ATP10D: variants seen among roughly 807,000 people sequenced by gnomAD.
ATP10D encodes the protein phospholipid-transporting ATPase VD.
Under a neutral mutation model 144.8 loss-of-function variants are expected in ATP10D, and 89 were observed. The observed-to-expected ratio is 0.61, with a 90% CI of 0.52 to 0.73. The LOEUF (loss-of-function observed/expected upper bound fraction) is 0.73, where lower values mean the gene tolerates loss of function less well. Among genes scored for constraint, ATP10D ranks in the 30% least tolerant of loss-of-function variants. ATP10D has a pLI of 0.00. For synonymous variants in ATP10D, 571 were observed against 615.1 expected (o/e 0.93, Z 1.06); for missense variants, 1,603 against 1,714.8 (o/e 0.93, Z 1.15).
intron 21 of ATP10D, among the ~76,000 whole-genome samples, chr4:47,586,409 C>T (rs1296794340): frequency 3.9e-5 from 6 of 152,202 alleles, no homozygotes; most frequent in Non-Finnish European, 5.9e-5. Context: ...CAGAGAACTT[C>T]TTGGTCAGTA....
At chr4:47,515,405 T>C (rs1716578015) in intron 2 of ATP10D, 71 bp from the exon 3 acceptor site, 24 of 1,225,362 alleles carry the variant, frequency 2.0e-5, no homozygotes, top group Non-Finnish European at 2.4e-5. Context: ...AAAAACAATA[T>C]AGTACTTTGC....
Position 47,560,959 on chromosome 4 carries a change from A to G in ATP10D, c.2552A>G (p.Asp851Gly). The G allele has an allele frequency of 6.2e-7, 1 of 1,614,172 alleles. No individual in the cohort carries two copies. Among genetic ancestry groups the G allele is most frequent in the African/African-American group, 1.3e-5 (1 of 75,064 alleles). ...TLCIAKKVMS[D>G]TEYAEWLRNH... Reference sequence around the variant, plus strand: ...TAATTCTTCCCGTAGGTCATGAGTGACACTGAATATGCAGAGTGGCTGAGG... The same window carrying G: ...TAATTCTTCCCGTAGGTCATGAGTGGCACTGAATATGCAGAGTGGCTGAGG... Residue 851 changes from aspartate to glycine, a missense_variant, in exon 14 of 23, where the codon GAC (aspartate) becomes GGC (glycine). By Grantham distance (94) the Asp-to-Gly change is moderately conservative. Coordinates refer to ENST00000273859, the MANE Select transcript of ATP10D (RefSeq NM_020453.4).
chr4:47,523,733 A>T (rs6837743), intron 4 of ATP10D, among the ~76,000 whole-genome samples: 38,919 of 152,050 alleles, frequency 0.26, 5,278 homozygotes, highest in South Asian at 0.31. Context: ...CCTCAGTTTT[A>T]TTATCTTAAA....
intron 9 of ATP10D, among the ~76,000 whole-genome samples, chr4:47,538,445 A>G (rs1717957673): frequency 6.6e-6 from 1 of 152,164 alleles, no homozygotes; most frequent in African/African-American, 2.4e-5. Context: ...TCTATATGTG[A>G]CAAATATTTT....
At chr4:47,504,725 G>T (rs1715924215) in intron 1 of ATP10D, among the ~76,000 whole-genome samples, 1 of 152,120 alleles carries the variant, frequency 6.6e-6, no homozygotes, top group Non-Finnish European at 1.5e-5. Context: ...ACCACGCCTG[G>T]CTAATTTTTT....
chr4:47,527,923 C>G (rs1264348655), intron 5 of ATP10D, among the ~76,000 whole-genome samples: 4 of 152,118 alleles, frequency 2.6e-5, no homozygotes, highest in East Asian at 1.9e-4. Context: ...TTTGTCCATT[C>G]TATGACCTGT....
At chr4:47,539,217 T>A (rs1051944275) in intron 9 of ATP10D, among the ~76,000 whole-genome samples, 3 of 152,218 alleles carry the variant, frequency 2.0e-5, no homozygotes, top group African/African-American at 7.2e-5. Flanking sequence ...CAACCCATCA[T>A]ACCTGGTATT....
chr4:47,520,706 T>A (rs996984565), intron 3 of ATP10D, among the ~76,000 whole-genome samples: 4 of 151,974 alleles, frequency 2.6e-5, no homozygotes, highest in African/African-American at 9.7e-5. Flanking sequence ...GTAGCTGGTA[T>A]TACAGGCATG....
At chr4:47,528,821 AT>A (rs1717411223) in intron 5 of ATP10D, among the ~76,000 whole-genome samples, 1 of 151,788 alleles carries the variant, frequency 6.6e-6, no homozygotes, top group Non-Finnish European at 1.5e-5. Flanking sequence ...AACATCTGTT[AT>A]TTTTTTACTT....
intron 1 of ATP10D, among the ~76,000 whole-genome samples, chr4:47,494,518 C>T (rs75472494): frequency 0.1 from 15,347 of 148,152 alleles, 1,543 homozygotes; most frequent in Admixed American, 0.16. Context: ...GATTAAGTAC[C>T]TCATTTATTG....
chr4:47,486,061 T>C (rs1282514792), intron 1 of ATP10D, among the ~76,000 whole-genome samples: 2 of 152,218 alleles, frequency 1.3e-5, no homozygotes, highest in African/African-American at 4.8e-5. Context: ...GGTGTTTGTA[T>C]TGGAGCTTTC....
intron 5 of ATP10D, 86 bp from the exon 6 acceptor site, chr4:47,535,423 C>A (rs1717790877): frequency 3.8e-6 from 4 of 1,053,776 alleles, no homozygotes; most frequent in South Asian, 4.1e-5. Flanking sequence ...TACTCCAAGT[C>A]AAAAACATTC....
At chr4:47,546,505 C>A (rs1718440163) in intron 9 of ATP10D, 119 bp from the exon 10 acceptor site, 1 of 882,496 alleles carries the variant, frequency 1.1e-6, no homozygotes, top group Non-Finnish European at 1.8e-6. Context: ...TAGGCCTTGG[C>A]AGCCAGGTTT....
Position 47,572,902 on chromosome 4 carries a change from C to G in ATP10D, c.3271C>G (p.Gln1091Glu). 6.2e-7 allele frequency: 1 copy of G among 1,614,134 alleles called. No individual in the cohort carries two copies. The highest frequency in any genetic ancestry group is 8.5e-7 in the Non-Finnish European group (1 of 1,180,020). Residue 1091 changes from glutamine to glutamate, a missense_variant, in exon 18 of 23, where the codon CAG becomes GAG. Coordinates refer to ENST00000273859, the MANE Select transcript of ATP10D (RefSeq NM_020453.4). ...AVMASDFAVSQFKHLSKLLLV... is the reference protein window; with the variant it reads ...AVMASDFAVSEFKHLSKLLLV... ...GATGGCCAGTGACTTTGCCGTTTCT[C>G]AGTTCAAACATCTCAGCAAGCTCCT...
chr4:47,516,161 G>A (rs1405753447), intron 3 of ATP10D, among the ~76,000 whole-genome samples: 1 of 151,790 alleles, frequency 6.6e-6, no homozygotes, highest in Non-Finnish European at 1.5e-5. Context: ...ACCCAGGAGG[G>A]GGAGGTTGCA....
chr4:47,490,844 G>C (rs1369979331), intron 1 of ATP10D: 2 of 360,412 alleles, frequency 5.5e-6, no homozygotes, highest in African/African-American at 4.3e-5. Flanking sequence ...AAACTGTCTT[G>C]TGAAGCACAT....
intron 16 of ATP10D, 35 bp downstream of exon 16, chr4:47,569,181 C>T (rs1312687207): frequency 6.3e-7 from 1 of 1,588,168 alleles, no homozygotes; most frequent in Admixed American, 1.7e-5. Flanking sequence ...TGCTCTTCTC[C>T]CTTTCACACC....
chr4:47,568,663 C>T (rs1220162200), intron 15 of ATP10D, among the ~76,000 whole-genome samples, 174 bp from the exon 16 acceptor site: 1 of 152,124 alleles, frequency 6.6e-6, no homozygotes, highest in East Asian at 1.9e-4. Flanking sequence ...AACCCATCCC[C>T]ACATACACAC....
At chr4:47,524,178 G>A (rs893662729) in intron 4 of ATP10D, among the ~76,000 whole-genome samples, 4 of 151,972 alleles carry the variant, frequency 2.6e-5, no homozygotes, top group Admixed American at 1.3e-4. Flanking sequence ...CATGTGCCTC[G>A]GCCTCCCAAA....
Sources: allele counts gnomAD v4.1 joint callset (sites outside exome capture counted in the v4.1 genomes callset), GRCh38; gene constraint gnomAD v4.1.1; transcripts MANE v1.5; gene names NCBI Gene and HGNC (gene_info 2026-07-23, HGNC 2026-07-21).